DBNL: variants seen among roughly 807,000 people sequenced by gnomAD.
The protein encoded by DBNL is drebrin-like protein.
DBNL carries 35 observed loss-of-function variants against 62.2 expected under a neutral mutation model. The observed-to-expected ratio is 0.56, with a 90% CI of 0.43 to 0.75. The LOEUF is 0.75. Ranked by LOEUF, DBNL falls within the 30% of genes least tolerant of loss-of-function variation. The pLI, the probability that DBNL is intolerant of heterozygous loss-of-function variation, is 0.00. For missense variants in DBNL, 495 were observed against 578.4 expected, an observed-to-expected ratio of 0.86 and a Z score of 1.48; for synonymous variants, 197 against 218.0, an observed-to-expected ratio of 0.90 and a Z score of 0.85.
intron 1 of DBNL, 29 bp from the exon 2 acceptor site, chr7:44,050,196 C>T (rs771348975): frequency 6.2e-7 from 1 of 1,612,476 alleles, no homozygotes; most frequent in Non-Finnish European, 8.5e-7. Context: ...AAGGTGCTGG[C>T]TACAGAGCTC....
chr7:44,060,987 G>A lies in DBNL; in HGVS notation c.*71G>A. Reference sequence around the variant, plus strand: ...TATTGCTGGAAGAGGAGGCCTGGGAGTTGACATTCAGCACTCTTCCAGGAA... The same window carrying A: ...TATTGCTGGAAGAGGAGGCCTGGGAATTGACATTCAGCACTCTTCCAGGAA... On this transcript the variant is annotated 3_prime_UTR_variant, in exon 13 of 13. Coordinates refer to ENST00000448521, the MANE Select transcript of DBNL (RefSeq NM_001014436.3). The surrounding 1 kb of genome is among the most constrained non-coding windows in gnomAD (Gnocchi z 6.3). The A allele has an allele frequency of 1.0e-5, 16 of 1,559,748 alleles. No homozygotes were observed. The highest frequency in any genetic ancestry group is 1.4e-5 in the Non-Finnish European group (16 of 1,152,320).
chr7:44,060,779 G>A lies in DBNL; in HGVS notation c.1156G>A (p.Asp386Asn), dbSNP rs759199393. 2.5e-6 allele frequency: 4 copies of A among 1,613,648 alleles called. No homozygotes were observed. Among genetic ancestry groups the A allele is most frequent in the African/African-American group, 1.3e-5 (1 of 75,002 alleles). Residue 386 changes from aspartate (D) to asparagine (N), a missense_variant and splice_region_variant, in exon 13 of 13, where the codon GAC becomes AAC. Transcript: ENST00000448521. This position sits in a 1 kb window ranked among gnomAD's most constrained non-coding sequence, Gnocchi z 6.3. ...ATCTGGGCTCATCCTCTTTGCAGCC[G>A]ACGACACAGAGATCTCCTTTGACCC... ...ARALYDYQAA[D>N]DTEISFDPEN... is the part of the protein sequence containing the mutation.
At chr7:44,053,052 C>T (rs2096129442) in intron 4 of DBNL, 111 bp downstream of exon 4, 1 of 1,357,898 alleles carries the variant, frequency 7.4e-7, no homozygotes, top group Non-Finnish European at 1.0e-6. Context: ...GGAGTGTGCT[C>T]ATAGCTAATG....
At position 44,061,048 on chromosome 7, in the gene DBNL, C is replaced by T. The variant is rs2096148053; in HGVS notation, c.*132C>T. ...AGTGAGGATGAGGCCTCAGGGCTCC[C>T]TCCGGCTTGGCAGACTCAGCCTGTC... On this transcript the variant is annotated 3_prime_UTR_variant, in exon 13 of 13. Transcript: ENST00000448521. 1.2e-5 allele frequency: 15 copies of T among 1,301,298 alleles called. No homozygotes were observed. The highest frequency in any genetic ancestry group is 1.5e-5 in the Non-Finnish European group (15 of 972,910). The allele number at this position is 1,301,298 out of a possible 1,614,324, so 80.6% of individuals were successfully genotyped here.
chr7:44,049,530 T>G (rs2096122899), intron 1 of DBNL, among the ~76,000 whole-genome samples: 1 of 152,228 alleles, frequency 6.6e-6, no homozygotes, highest in Admixed American at 6.5e-5. Flanking sequence ...CATGGAGAGA[T>G]AAGGCTCTGC....
In DBNL at chr7:44,062,642, G is replaced by T; in HGVS notation, c.*1726G>T. On this transcript the variant is annotated 3_prime_UTR_variant, in exon 13 of 13. Coordinates refer to ENST00000448521, the MANE Select transcript of DBNL (RefSeq NM_001014436.3). ...TGACACACGTATGGAGTGGGGGAGG[G>T]TGGGTGGCTGCACCCCTGGTTCTGG... 1 of 982,600 alleles carries T rather than the reference G, an allele frequency of 1.0e-6. No homozygotes were observed. The highest frequency in any genetic ancestry group is 1.6e-6 in the Non-Finnish European group (1 of 639,954). The allele number at this position is 982,600 out of a possible 1,614,324, so 60.9% of individuals were successfully genotyped here.
chr7:44,064,806 G>GC lies in DBNL; in HGVS notation c.*3893dup, dbSNP rs754795654. On this transcript the variant is annotated 3_prime_UTR_variant, in exon 13 of 13. Transcript: ENST00000448521. ...GCTGGGGCTGCTGCCCACCCACCCT[G>GC]CCCAGGCTCCTGAAGGTGGCCTCAC... The GC allele has an allele frequency of 1.3e-5, 10 of 787,448 alleles. No individual in the cohort carries two copies. The highest frequency in any genetic ancestry group is 4.3e-5 in the East Asian group (1 of 23,472). The allele number at this position is 787,448 out of a possible 1,614,324, so 48.8% of individuals were successfully genotyped here.
In DBNL at chr7:44,065,550, A is replaced by G. The variant is rs757877912; in HGVS notation, c.*4634A>G. On this transcript the variant is annotated 3_prime_UTR_variant, in exon 13 of 13. Coordinates refer to ENST00000448521, the MANE Select transcript of DBNL (RefSeq NM_001014436.3). Reference sequence around the variant, plus strand: ...GCCATGGTGGCAGCAGGGACCACAGAGGACTCTGGACGGGGACGGCTGCTT... The same window carrying G: ...GCCATGGTGGCAGCAGGGACCACAGGGGACTCTGGACGGGGACGGCTGCTT... 6.2e-6 allele frequency: 10 copies of G among 1,612,252 alleles called. No individual in the cohort carries two copies. The African/African-American group carries it at 1.2e-4, about 19-fold the overall frequency.
Position 44,059,762 on chromosome 7 carries a change from C to T in DBNL, c.1047+104C>T. 8.8e-7 allele frequency: 1 copy of T among 1,141,932 alleles called. No homozygotes were observed. Among genetic ancestry groups the T allele is most frequent in the African/African-American group, 1.5e-5 (1 of 64,830 alleles). 70.7% of individuals were successfully genotyped at this position (1,141,932 alleles called of 1,614,324 possible). A position where few individuals can be genotyped will look rare whatever the true frequency, so the allele number is the denominator to read the frequency against. On this transcript the variant is annotated intron_variant, in intron 11 of 12. Coordinates refer to ENST00000448521, the MANE Select transcript of DBNL (RefSeq NM_001014436.3). This position sits in a 1 kb window ranked among gnomAD's most constrained non-coding sequence, Gnocchi z 4.1. The stretch of plus-strand genomic sequence containing the variant: ...TGGGGGCATGCAACAGGTTTTAAAG[C>T]ACATGCATTTTTGGAGCAGCCCTGT...
Position 44,058,224 on chromosome 7 carries a change from G to A in DBNL, c.648G>A (p.Glu216=). The change falls in exon 7 of 13, where the codon GAG becomes GAA. Residue 216 remains glutamate (E), a synonymous_variant. Transcript: ENST00000448521. ...EQERRERELR[E]AARREQRYQE... ...AGCGCCGGGAGCGTGAGCTGCGTGAGGCTGCACGCCGGGAGCAGCGCTATC... is the reference window on the plus strand; with the variant it reads ...AGCGCCGGGAGCGTGAGCTGCGTGAAGCTGCACGCCGGGAGCAGCGCTATC... 1 of 1,573,366 alleles carries A rather than the reference G, an allele frequency of 6.4e-7. No homozygotes were observed. The highest frequency in any genetic ancestry group is 8.6e-7 in the Non-Finnish European group (1 of 1,160,944).
chr7:44,050,099 G>A, intron 1 of DBNL, 126 bp from the exon 2 acceptor site: 2 of 1,065,380 alleles, frequency 1.9e-6, no homozygotes, highest in Non-Finnish European at 2.8e-6. Flanking sequence ...GAACGGGCCT[G>A]TGCCCACCCA....
At position 44,059,330 on chromosome 7, in the gene DBNL, G is replaced by A; in HGVS notation, c.836-24G>A. The A allele has an allele frequency of 5.0e-6, 8 of 1,612,502 alleles. No individual in the cohort carries two copies. The highest frequency in any genetic ancestry group is 5.9e-6 in the Non-Finnish European group (7 of 1,178,984). ...TGTGTGGTGGTGTTTCTGAAGTGAT[G>A]TATATATTTACCCGGGTTTGCAGGC... On this transcript the variant is annotated intron_variant, in intron 9 of 12. Coordinates refer to ENST00000448521, the MANE Select transcript of DBNL (RefSeq NM_001014436.3). The surrounding 1 kb of genome is among the most constrained non-coding windows in gnomAD (Gnocchi z 4.1).
chr7:44,052,779 C>G, intron 3 of DBNL, 88 bp from the exon 4 acceptor site: 2 of 1,510,748 alleles, frequency 1.3e-6, no homozygotes, highest in Non-Finnish European at 1.8e-6. Flanking sequence ...TTTCTCTTTT[C>G]TGGGACACAG....
rs759703936 is a variant in DBNL at position 44,059,557 on chromosome 7, G to A, written c.946G>A (p.Glu316Lys). 1 of 1,612,818 alleles carries A rather than the reference G, an allele frequency of 6.2e-7. No homozygotes were observed. Among genetic ancestry groups the A allele is most frequent in the Admixed American group, 1.7e-5 (1 of 59,956 alleles). The change falls in exon 11 of 13, where the codon GAG becomes AAG. Residue 316 changes from glutamate (E) to lysine (K), a missense_variant. Transcript: ENST00000448521. This position sits in a 1 kb window ranked among gnomAD's most constrained non-coding sequence, Gnocchi z 4.1. ...SRPRADLPAE[E>K]PAPSTPPCLV... ...CCCTGGTGCAGATCTCCCTGCTGAG[G>A]AGCCGGCGCCCAGCACTCCTCCATG...
At chr7:44,049,221 A>G (rs1476259036) in intron 1 of DBNL, among the ~76,000 whole-genome samples, 2 of 151,952 alleles carry the variant, frequency 1.3e-5, no homozygotes, top group Non-Finnish European at 2.9e-5. Flanking sequence ...CAGTGGCGCG[A>G]TCTTGGCTCA....
rs199508598 is a variant in DBNL at position 44,063,348 on chromosome 7, G to C, written c.*2432G>C. 3.7e-6 allele frequency: 1 copy of C among 271,834 alleles called. No individual in the cohort carries two copies. The highest frequency in any genetic ancestry group is 2.2e-5 in the African/African-American group (1 of 44,860). 16.8% of individuals were successfully genotyped at this position (271,834 alleles called of 1,614,324 possible). A position where few individuals can be genotyped will look rare whatever the true frequency, so the allele number is the denominator to read the frequency against. On this transcript the variant is annotated 3_prime_UTR_variant, in exon 13 of 13. Transcript: ENST00000448521. ...TGCCCAGGCTGGAGTGCAGTGGCAC[G>C]ATCTTGGCTCACTGCAACCTCCATC...
rs1048566943 is a variant in DBNL at position 44,069,254 on chromosome 7, C to T, written c.*8338C>T. The T allele has an allele frequency of 6.6e-6, 1 of 152,168 alleles. No homozygotes were observed. The highest frequency in any genetic ancestry group is 2.4e-5 in the African/African-American group (1 of 41,428). The allele number at this position is 152,168 out of a possible 1,614,324, so 9.4% of individuals were successfully genotyped here. ...CACATAAATATGAAACTATTCTTTA[C>T]TTCTTTAAGAGTTATGTGATGGTTG... On this transcript the variant is annotated 3_prime_UTR_variant, in exon 13 of 13. Transcript: ENST00000448521.
chr7:44,058,839 T>C (rs966435629), intron 8 of DBNL, 63 bp from the exon 9 acceptor site: 1 of 1,598,204 alleles, frequency 6.3e-7, no homozygotes, highest in African/African-American at 1.3e-5. Flanking sequence ...GGAGGGGCTG[T>C]GATCTGGGGA....
chr7:44,059,757 T>A lies in DBNL; in HGVS notation c.1047+99T>A. Reference sequence around the variant, plus strand: ...TTTTCTGGGGGCATGCAACAGGTTTTAAAGCACATGCATTTTTGGAGCAGC... The same window carrying A: ...TTTTCTGGGGGCATGCAACAGGTTTAAAAGCACATGCATTTTTGGAGCAGC... On this transcript the variant is annotated intron_variant, in intron 11 of 12. Coordinates refer to ENST00000448521, the MANE Select transcript of DBNL (RefSeq NM_001014436.3). The surrounding 1 kb of genome is among the most constrained non-coding windows in gnomAD (Gnocchi z 4.1). 1 of 1,169,642 alleles carries A rather than the reference T, an allele frequency of 8.5e-7. No individual in the cohort carries two copies. Among genetic ancestry groups the A allele is most frequent in the Non-Finnish European group, 1.2e-6 (1 of 836,504 alleles). 72.5% of individuals were successfully genotyped at this position (1,169,642 alleles called of 1,614,324 possible).
Sources: gnomAD v4.1 joint callset for allele counts (sites outside exome capture counted in the v4.1 genomes callset) on GRCh38, gnomAD v4.1.1 for gene constraint, Gnocchi (gnomAD v3.1) non-coding constraint, MANE v1.5 for transcripts, NCBI Gene and HGNC (gene_info 2026-07-23, HGNC 2026-07-21) for gene names.